PON1: variants seen among roughly 807,000 people sequenced by gnomAD.
The protein encoded by PON1 is paraoxonase 1.
PON1 carries 37 observed loss-of-function variants against 39.2 expected under a neutral mutation model. The observed-to-expected ratio is 0.94, with a 90% CI of 0.73 to 1.24. The LOEUF (loss-of-function observed/expected upper bound fraction) is 1.24. Among genes scored for constraint, PON1 ranks in the 50% most tolerant of loss-of-function variants. The pLI is 0.00. For missense variants in PON1, 397 were observed against 413.5 expected (o/e 0.96, Z 0.35); for synonymous variants, 148 against 152.2 (o/e 0.97, Z 0.21).
At chr7:95,315,523 A>G (rs1243974232) in intron 3 of PON1, 33 bp from the exon 4 acceptor site, 1 of 1,605,020 alleles carries the variant, frequency 6.2e-7, no homozygotes, top group South Asian at 1.1e-5. Flanking sequence ...AATCAAGCAC[A>G]ATACCAGTAC....
chr7:95,303,627 C>T (rs1807479931), intron 7 of PON1, among the ~76,000 whole-genome samples: 1 of 152,122 alleles, frequency 6.6e-6, no homozygotes, highest in African/African-American at 2.4e-5. Flanking sequence ...TGGAGAGCAC[C>T]AGGTACCCAG....
intron 6 of PON1, among the ~76,000 whole-genome samples, chr7:95,307,383 A>T (rs1184857068): frequency 1.3e-5 from 2 of 151,992 alleles, no homozygotes; most frequent in Non-Finnish European, 2.9e-5. Flanking sequence ...TATGTTACGG[A>T]CTCTAAAATC....
Position 95,302,275 on chromosome 7 carries a change from A to G in PON1, c.839T>C (p.Leu280Pro). Residue 280 changes from leucine (L) to proline (P), a missense_variant, in exon 8 of 9, where the codon CTT becomes CCT. Transcript: ENST00000222381. Reference protein sequence around the residue: ...NISVDPETGDLWVGCHPNGMK... With the variant: ...NISVDPETGDPWVGCHPNGMK... Reference sequence around the variant, plus strand: ...GCCATTGGGATGGCATCCAACCCAAAGGTCTCCTGTCTCAGGATCCACAGA... The same window carrying G: ...GCCATTGGGATGGCATCCAACCCAAGGGTCTCCTGTCTCAGGATCCACAGA... 2 of 1,608,296 alleles carry G rather than the reference A, an allele frequency of 1.2e-6. No individual in the cohort carries two copies. Among genetic ancestry groups the G allele is most frequent in the Non-Finnish European group, 1.7e-6 (2 of 1,174,886 alleles).
intron 4 of PON1, 58 bp downstream of exon 4, chr7:95,315,264 T>C (rs1356068318): frequency 4.2e-6 from 6 of 1,418,690 alleles, no homozygotes; most frequent in Non-Finnish European, 5.9e-6. Flanking sequence ...TATTGGCATG[T>C]TTTTCTGTTT....
rs1344911536 is a variant in PON1, at chr7:95,298,815, T to TTGA, written c.*126_*128dup. 6.0e-6 allele frequency: 7 copies of TTGA among 1,157,316 alleles called. No homozygotes were observed. In the East Asian group the frequency reaches 1.2e-4, roughly 20 times the overall value. The allele number at this position is 1,157,316 out of a possible 1,614,324, so 71.7% of individuals were successfully genotyped here. A position where few individuals can be genotyped will look rare whatever the true frequency, so the allele number is the denominator to read the frequency against. On this transcript the variant is annotated 3_prime_UTR_variant, in exon 9 of 9. Coordinates refer to ENST00000222381, the MANE Select transcript of PON1 (RefSeq NM_000446.7). The stretch of plus-strand genomic sequence containing the variant: ...ATATCACTCCCAGTTAAACAGTGCT[T>TTGA]TGATGCTTCATGATGTCCACATTTA...
At chr7:95,300,586 C>T (rs1234768278) in intron 8 of PON1, among the ~76,000 whole-genome samples, 1 of 152,158 alleles carries the variant, frequency 6.6e-6, no homozygotes, top group Non-Finnish European at 1.5e-5. Context: ...CTTAGCTAAG[C>T]TTCTTGTTAA....
At chr7:95,322,979 A>T (rs947069364) in intron 1 of PON1, among the ~76,000 whole-genome samples, 1 of 152,130 alleles carries the variant, frequency 6.6e-6, no homozygotes, top group Non-Finnish European at 1.5e-5. Flanking sequence ...TATCCTGGGG[A>T]TTTGGCTTGC....
intron 7 of PON1, among the ~76,000 whole-genome samples, chr7:95,304,591 C>T (rs565079832): frequency 6.6e-6 from 1 of 152,228 alleles, no homozygotes; most frequent in East Asian, 1.9e-4. Context: ...CTCAGCCTCC[C>T]ACAGTGCTGG....
rs1371734520 is a variant in PON1 at position 95,302,219 on chromosome 7, G to T, written c.895C>A (p.Pro299Thr). The change falls in exon 8 of 9, where the codon CCT becomes ACT. Residue 299 changes from proline to threonine, a missense_variant. Transcript: ENST00000222381. ...TTAAAACTTACCTCTGATGCAGGAG[G>T]ATTCTCTGAGTCATAGAAGAAGATT... ...MKIFFYDSEN[P>T]PASEVLRIQN... 2 of 1,612,528 alleles carry T rather than the reference G, an allele frequency of 1.2e-6. No individual in the cohort carries two copies. The highest frequency in any genetic ancestry group is 1.1e-5 in the South Asian group (1 of 91,024).
intron 8 of PON1, among the ~76,000 whole-genome samples, chr7:95,301,155 A>G (rs1265321890): frequency 6.6e-6 from 1 of 152,138 alleles, no homozygotes; most frequent in Admixed American, 6.5e-5. Context: ...GATACTGAAA[A>G]CTCAGTAAAT....
Position 95,306,365 on chromosome 7 carries a change from A to G in PON1, c.700T>C (p.Tyr234His). ...NGINISPDGK[Y>H]VYIAELLAHK... is the part of the protein sequence containing the mutation. The stretch of plus-strand genomic sequence containing the variant: ...GCCAGCAACTCAGCTATATAGACAT[A>G]CCTTCAAAGAAGAAAGAGCTACATC... Residue 234 changes from tyrosine (Y) to histidine (H), a missense_variant and splice_region_variant, in exon 7 of 9, where the codon TAT (tyrosine) becomes CAT (histidine). Tyr to His is a moderately conservative substitution (Grantham distance 83). Coordinates refer to ENST00000222381, the MANE Select transcript of PON1 (RefSeq NM_000446.7). 6.2e-7 allele frequency: 1 copy of G among 1,600,822 alleles called. No individual in the cohort carries two copies. Among genetic ancestry groups the G allele is most frequent in the Non-Finnish European group, 8.6e-7 (1 of 1,168,342 alleles).
In PON1 at chr7:95,324,448, A is replaced by G. The variant is rs752287393; in HGVS notation, c.28T>C (p.Leu10=). MAKLIALTL[L]GMGLALFRNH... is the part of the protein sequence containing the mutation. ...CTGAAGAGTGCCAGTCCCATCCCCA[A>G]GAGGGTGAGCGCAATCAGCTTCGCC... is the stretch of plus-strand genomic sequence containing the variant. Residue 10 remains leucine (L), a synonymous_variant, in exon 1 of 9, where the codon TTG becomes CTG. Coordinates refer to ENST00000222381, the MANE Select transcript of PON1 (RefSeq NM_000446.7). The G allele has an allele frequency of 1.2e-6, 2 of 1,614,170 alleles. No individual in the cohort carries two copies. The highest frequency in any genetic ancestry group is 2.2e-5 in the South Asian group (2 of 91,078).
At chr7:95,310,014 G>A (rs1381561972) in intron 5 of PON1, among the ~76,000 whole-genome samples, 1 of 152,056 alleles carries the variant, frequency 6.6e-6, no homozygotes, top group Non-Finnish European at 1.5e-5. Flanking sequence ...CTCCAATCCG[G>A]TAACGTAGAC....
intron 5 of PON1, 100 bp from the exon 6 acceptor site, chr7:95,308,311 T>A: frequency 1.8e-6 from 2 of 1,137,990 alleles, no homozygotes; most frequent in Non-Finnish European, 2.6e-6. Flanking sequence ...AAAATCAAGA[T>A]GTGGGATGGA....
In PON1 at chr7:95,315,403, C is replaced by G. The variant is rs753660246; in HGVS notation, c.289G>C (p.Val97Leu). The change falls in exon 4 of 9, where the codon GTG becomes CTG. Residue 97 changes from valine (V) to leucine (L), a missense_variant. Physicochemically the swap from Val to Leu is conservative, Grantham distance 32 (BLOSUM62 1). Transcript: ENST00000222381. ...LMDLNEEDPT[V>L]LELGITGSKF... Reference sequence around the variant, plus strand: ...CTTCCAGTGATCCCCAATTCCAACACTGTTGGATCTTCTTCATTCAGGTCC... The same window carrying G: ...CTTCCAGTGATCCCCAATTCCAACAGTGTTGGATCTTCTTCATTCAGGTCC... 1 of 1,612,404 alleles carries G rather than the reference C, an allele frequency of 6.2e-7. No homozygotes were observed. The highest frequency in any genetic ancestry group is 8.5e-7 in the Non-Finnish European group (1 of 1,178,418).
rs530159886 is a variant in PON1 at position 95,299,111 on chromosome 7, G to T, written c.910-9C>A. On this transcript the variant is annotated splice_polypyrimidine_tract_variant and intron_variant, in intron 8 of 8. Transcript: ENST00000222381. ...TTCTGGATTCGAAGCACCTGTGGAA[G>T]AAATAACATTGGGTTAATATTTTTG... The T allele has an allele frequency of 1.9e-6, 3 of 1,613,386 alleles. No homozygotes were observed. In the African/African-American group the frequency reaches 4.0e-5, roughly 22 times the overall value.
rs1807452161 is a variant in PON1 at position 95,302,285 on chromosome 7, T to G, written c.829A>C (p.Thr277Pro). The change falls in exon 8 of 9, where the codon ACA becomes CCA. Residue 277 changes from threonine to proline, a missense_variant. Coordinates refer to ENST00000222381, the MANE Select transcript of PON1 (RefSeq NM_000446.7). The part of the protein sequence containing the change: ...LVDNISVDPE[T>P]GDLWVGCHPN... ...TGGCATCCAACCCAAAGGTCTCCTG[T>G]CTCAGGATCCACAGATATGTTATCC... is the stretch of plus-strand genomic sequence containing the variant. 1 of 1,608,280 alleles carries G rather than the reference T, an allele frequency of 6.2e-7. No homozygotes were observed. The highest frequency in any genetic ancestry group is 1.3e-5 in the African/African-American group (1 of 74,758).
At position 95,318,063 on chromosome 7, in the gene PON1, T is replaced by C. The variant is rs151111930; in HGVS notation, c.145+260A>G. Among the ~76,000 whole-genome samples the C allele has an allele frequency of 1.4e-3, 201 of 147,350 alleles. 1 individual carries two copies. Among genetic ancestry groups the C allele is most frequent in the African/African-American group, 4.9e-3 (198 of 40,214 alleles). ...ATTGCCATGGAATCAAACATTATTC[T>C]ATTTTTCTTTTTTCTTTTTTTCTTT... On this transcript the variant is annotated intron_variant, in intron 2 of 8. Transcript: ENST00000222381.
At chr7:95,312,879 G>A (rs1807686576) in intron 4 of PON1, among the ~76,000 whole-genome samples, 1 of 152,226 alleles carries the variant, frequency 6.6e-6, no homozygotes, top group South Asian at 2.1e-4. Flanking sequence ...GTGAGGTTGT[G>A]CTGGGAGCAG....
Sources: gnomAD v4.1 joint callset for allele counts (sites outside exome capture counted in the v4.1 genomes callset) on GRCh38, gnomAD v4.1.1 for gene constraint, MANE v1.5 for transcripts, NCBI Gene and HGNC (gene_info 2026-07-23, HGNC 2026-07-21) for gene names.